C4orf51: variants seen among roughly 807,000 people sequenced by gnomAD.
C4orf51 encodes chromosome 4 open reading frame 51.
In C4orf51, 25 loss-of-function variants were observed where a neutral mutation model predicts 25.2. The observed-to-expected ratio is 0.99, with a 90% CI of 0.72 to 1.39. The LOEUF (loss-of-function observed/expected upper bound fraction) is 1.39, where lower values mean the gene tolerates loss of function less well. Among genes scored for constraint, C4orf51 ranks in the 40% most tolerant of loss-of-function variants. C4orf51 has a pLI of 0.00. For synonymous variants in C4orf51, 100 were observed against 84.5 expected (o/e 1.18, Z -1.01); for missense variants, 252 against 239.6 (o/e 1.05, Z -0.34).
intron 2 of C4orf51, among the ~76,000 whole-genome samples, chr4:145,712,016 T>C (rs549113124): frequency 6.4e-4 from 98 of 152,336 alleles, no homozygotes; most frequent in African/African-American, 2.3e-3. Flanking sequence ...CTGCAATTAG[T>C]GATGTTTGAT....
intron 5 of C4orf51, among the ~76,000 whole-genome samples, 154 bp downstream of exon 5, chr4:145,730,119 G>A (rs572568889): frequency 5.9e-5 from 9 of 152,276 alleles, no homozygotes; most frequent in East Asian, 1.9e-4. Context: ...GGCAAAAAGC[G>A]GAGCTGTTCT....
At chr4:145,748,429 T>G (rs974294698) in intron 1 of C4orf51, among the ~76,000 whole-genome samples, 16 of 152,114 alleles carry the variant, frequency 1.1e-4, no homozygotes, top group Non-Finnish European at 1.6e-4. Flanking sequence ...TTCTTCAAAT[T>G]TTGGGTTTAG....
chr4:145,726,285 C>T (rs947476297), intron 2 of C4orf51, among the ~76,000 whole-genome samples: 1 of 152,190 alleles, frequency 6.6e-6, no homozygotes, highest in South Asian at 2.1e-4. Flanking sequence ...GCATATCCAT[C>T]ACCTCAAACA....
At chr4:145,724,596 A>C (rs1346831453) in intron 2 of C4orf51, among the ~76,000 whole-genome samples, 2 of 152,180 alleles carry the variant, frequency 1.3e-5, no homozygotes, top group African/African-American at 4.8e-5. Flanking sequence ...TCATTAAAAA[A>C]TCAATCTGGG....
chr4:145,719,100 G>C (rs1323759412), intron 2 of C4orf51, among the ~76,000 whole-genome samples: 1 of 152,112 alleles, frequency 6.6e-6, no homozygotes, highest in African/African-American at 2.4e-5. Context: ...GAACTTGTCT[G>C]TCTTGTCTTT....
At chr4:145,692,193 G>A (rs1009949765) in intron 1 of C4orf51, among the ~76,000 whole-genome samples, 2 of 152,188 alleles carry the variant, frequency 1.3e-5, no homozygotes, top group Non-Finnish European at 2.9e-5. Context: ...ACTATTCATT[G>A]ACAGAAGAGT....
chr4:145,732,730 C>T lies in C4orf51; in HGVS notation c.*170C>T, dbSNP rs1180631544. 4.3e-6 allele frequency: 2 copies of T among 468,754 alleles called. No homozygotes were observed. Among genetic ancestry groups the T allele is most frequent in the East Asian group, 3.4e-5 (1 of 29,820 alleles). 29.0% of individuals were successfully genotyped at this position (468,754 alleles called of 1,614,324 possible). On this transcript the variant is annotated 3_prime_UTR_variant, in exon 6 of 6. Coordinates refer to ENST00000438731, the MANE Select transcript of C4orf51 (RefSeq NM_001080531.3). The stretch of plus-strand genomic sequence containing the variant: ...CATGGGCTTCATTTATCAGTTTTTT[C>T]CCTTTTTAATTGGTGGAGAGAGACA...
chr4:145,769,621 C>T (rs866251040), intron 1 of C4orf51, among the ~76,000 whole-genome samples: 2 of 152,200 alleles, frequency 1.3e-5, no homozygotes, highest in Non-Finnish European at 2.9e-5. Context: ...AACAGCCTCT[C>T]CTGTTTCTGT....
intron 2 of C4orf51, among the ~76,000 whole-genome samples, chr4:145,704,154 T>A (rs1168215272): frequency 6.6e-6 from 1 of 152,210 alleles, no homozygotes; most frequent in Non-Finnish European, 1.5e-5. Flanking sequence ...CTTTTTTATG[T>A]AGATGAAGCC....
downstream of C4orf51, among the ~76,000 whole-genome samples, chr4:145,757,325 T>C (rs926506278): frequency 2.4e-4 from 36 of 152,182 alleles, no homozygotes; most frequent in African/African-American, 7.7e-4. Flanking sequence ...CAGGAGAGGA[T>C]AGGGCTGGCA....
At chr4:145,785,178 C>G in the C4orf51 span, among the ~76,000 whole-genome samples, 1 of 152,140 alleles carries the variant, frequency 6.6e-6, no homozygotes, top group Non-Finnish European at 1.5e-5. Context: ...TTAGCAATCC[C>G]AAAACAAGGC....
At chr4:145,787,605 T>A in the C4orf51 span, among the ~76,000 whole-genome samples, 1 of 152,124 alleles carries the variant, frequency 6.6e-6, no homozygotes, top group Admixed American at 6.5e-5. Context: ...CTTAACAAAC[T>A]TAGTAAAGTA....
At chr4:145,782,880 G>A in the C4orf51 span, among the ~76,000 whole-genome samples, 11 of 152,156 alleles carry the variant, frequency 7.2e-5, no homozygotes, top group South Asian at 2.3e-3. Context: ...GCTACTCCCC[G>A]CAACTACTTC....
At chr4:145,779,252 G>T in the C4orf51 span, 1 of 1,322,994 alleles carries the variant, frequency 7.6e-7, no homozygotes, top group Non-Finnish European at 1.0e-6. Flanking sequence ...AAAATGGCTT[G>T]AAAAGGTCAG....
intron 2 of C4orf51, among the ~76,000 whole-genome samples, chr4:145,700,095 A>G (rs971426818): frequency 6.6e-6 from 1 of 150,386 alleles, no homozygotes; most frequent in Non-Finnish European, 1.5e-5. Flanking sequence ...CTATGCCCCA[A>G]TCCCTTATTT....
At chr4:145,702,798 C>T (rs556908864) in intron 2 of C4orf51, among the ~76,000 whole-genome samples, 4 of 152,214 alleles carry the variant, frequency 2.6e-5, no homozygotes, top group South Asian at 4.2e-4. Flanking sequence ...CATCCAAAGC[C>T]GTATCCAGGC....
intron 2 of C4orf51, 53 bp from the exon 3 acceptor site, chr4:145,726,858 T>G: frequency 1.4e-6 from 2 of 1,473,930 alleles, no homozygotes; most frequent in Non-Finnish European, 1.9e-6. Context: ...GTGTAAGGAA[T>G]TTTATTCTAA....
chr4:145,690,231 C>T (rs545604949), intron 1 of C4orf51, among the ~76,000 whole-genome samples: 23 of 151,712 alleles, frequency 1.5e-4, no homozygotes, highest in African/African-American at 5.1e-4. Flanking sequence ...ATAGGCTGGG[C>T]GCGGTGGCTA....
intron 5 of C4orf51, among the ~76,000 whole-genome samples, chr4:145,731,615 C>T (rs1579006243): frequency 9.4e-6 from 1 of 106,090 alleles, no homozygotes; most frequent in Non-Finnish European, 1.8e-5. Flanking sequence ...GAGTTTCACT[C>T]TTGTTGCCCA....
Sources: gnomAD v4.1 joint callset for allele counts (sites outside exome capture counted in the v4.1 genomes callset) on GRCh38, gnomAD v4.1.1 for gene constraint, MANE v1.5 for transcripts, NCBI Gene and HGNC (gene_info 2026-07-23, HGNC 2026-07-21) for gene names.